The following PALM2AKAP2 variants were observed in gnomAD, a reference collection of about 807,000 sequenced individuals.
The protein encoded by PALM2AKAP2 is PALM2 and AKAP2 fusion, also known as PALM2-AKAP2 fusion protein.
Under a neutral mutation model 71.5 loss-of-function variants are expected in PALM2AKAP2, and 37 were observed. That is an observed-to-expected ratio of 0.52 (90% CI 0.40 to 0.68). PALM2AKAP2 has a LOEUF of 0.68. Among genes scored for constraint, PALM2AKAP2 ranks in the 30% least tolerant of loss-of-function variants. PALM2AKAP2 has a pLI of 0.00. For missense variants in PALM2AKAP2, 1,224 were observed against 1,191.8 expected (o/e 1.03, Z -0.40); for synonymous variants, 468 against 478.8 (o/e 0.98, Z 0.29).
chr9:109,763,529 A>G (rs1829094877), intron 1 of PALM2AKAP2, among the ~76,000 whole-genome samples: 1 of 152,208 alleles, frequency 6.6e-6, no homozygotes, highest in Non-Finnish European at 1.5e-5. Context: ...AAGCATTCAC[A>G]GGGTACTTAA....
chr9:109,955,808 G>A (rs140210323), intron 6 of PALM2AKAP2, among the ~76,000 whole-genome samples: 83 of 152,004 alleles, frequency 5.5e-4, no homozygotes, highest in African/African-American at 2.0e-3. Flanking sequence ...GTAGTGGTGC[G>A]TATCTGTGGT....
At chr9:109,881,083 C>T (rs1829837090) in intron 3 of PALM2AKAP2, among the ~76,000 whole-genome samples, 1 of 152,132 alleles carries the variant, frequency 6.6e-6, no homozygotes. Context: ...TTCCCTTCTA[C>T]GTGTCCGTGT....
chr9:109,683,517 G>A (rs573780540), intron 1 of PALM2AKAP2, among the ~76,000 whole-genome samples: 1 of 152,252 alleles, frequency 6.6e-6, no homozygotes, highest in Non-Finnish European at 1.5e-5. Flanking sequence ...ACCTCCAAAA[G>A]GACCAAACCT....
chr9:109,921,262 C>T (rs1347409185), intron 3 of PALM2AKAP2, among the ~76,000 whole-genome samples: 1 of 151,984 alleles, frequency 6.6e-6, no homozygotes, highest in Non-Finnish European at 1.5e-5. Context: ...GCATTTGTGC[C>T]CTCTGTCTGA....
exon 1 of PALM2AKAP2, chr9:110,048,744 G>A: frequency 1.5e-6 from 2 of 1,369,774 alleles, no homozygotes; most frequent in South Asian, 1.5e-5. Flanking sequence ...TTCCCCCGGA[G>A]TCTCCTGGAC....
chr9:109,655,089 A>G (rs897093378), intron 1 of PALM2AKAP2, among the ~76,000 whole-genome samples: 1 of 152,030 alleles, frequency 6.6e-6, no homozygotes, highest in Non-Finnish European at 1.5e-5. Context: ...GGAGATTGAG[A>G]CCATCCTGGC....
intron 1 of PALM2AKAP2, among the ~76,000 whole-genome samples, chr9:110,071,642 A>G (rs1484999080): frequency 6.6e-6 from 1 of 152,220 alleles, no homozygotes; most frequent in African/African-American, 2.4e-5. Context: ...TCATTTAAGA[A>G]TCTTCCTGTG....
intron 1 of PALM2AKAP2, among the ~76,000 whole-genome samples, chr9:110,094,084 G>A (rs1834777804): frequency 1.3e-5 from 2 of 152,162 alleles, no homozygotes. Context: ...CCAACAAAGA[G>A]GCACCTGGCC....
chr9:109,694,018 T>C (rs899200070), intron 1 of PALM2AKAP2, among the ~76,000 whole-genome samples: 1 of 152,032 alleles, frequency 6.6e-6, no homozygotes. Flanking sequence ...TGGCTTGTTT[T>C]CTGCTCCCCC....
At chr9:109,821,786 C>T (rs372622522) in intron 1 of PALM2AKAP2, among the ~76,000 whole-genome samples, 3 of 152,178 alleles carry the variant, frequency 2.0e-5, no homozygotes, top group African/African-American at 7.2e-5. Context: ...TCATCTCCCC[C>T]CTGGACGTGA....
At chr9:109,868,849 C>T (rs1374377503) in intron 2 of PALM2AKAP2, among the ~76,000 whole-genome samples, 2 of 152,230 alleles carry the variant, frequency 1.3e-5, no homozygotes, top group Non-Finnish European at 2.9e-5. Context: ...TGCTGTTGCT[C>T]TTTCCCCACA....
intron 6 of PALM2AKAP2, chr9:109,944,259 T>TA (rs903954086): frequency 1.3e-5 from 2 of 152,186 alleles, no homozygotes; most frequent in African/African-American, 4.8e-5. Flanking sequence ...TCTATTCTCT[T>TA]AAAAAAATGT....
chr9:109,836,192 A>T (rs1828470998), intron 1 of PALM2AKAP2, among the ~76,000 whole-genome samples: 1 of 152,200 alleles, frequency 6.6e-6, no homozygotes. Flanking sequence ...TTCCAGAGGA[A>T]TGATCAGGCA....
chr9:109,971,258 T>G (rs1832058955), intron 6 of PALM2AKAP2, among the ~76,000 whole-genome samples: 1 of 148,206 alleles, frequency 6.7e-6, no homozygotes, highest in African/African-American at 2.5e-5. Context: ...ACTTCAGGCT[T>G]CCATGTTTAT....
intron 3 of PALM2AKAP2, among the ~76,000 whole-genome samples, chr9:109,911,279 T>C (rs992840111): frequency 6.6e-6 from 1 of 152,222 alleles, no homozygotes; most frequent in Non-Finnish European, 1.5e-5. Flanking sequence ...TTATTTCTGA[T>C]GAAACAGACT....
chr9:109,858,456 G>A (rs1046091727), intron 1 of PALM2AKAP2, among the ~76,000 whole-genome samples: 2 of 152,132 alleles, frequency 1.3e-5, no homozygotes, highest in African/African-American at 4.8e-5. Context: ...GAGCTAAGCT[G>A]GCCCAACCTA....
intron 1 of PALM2AKAP2, among the ~76,000 whole-genome samples, chr9:109,691,828 A>T (rs1266772450): frequency 9.6e-6 from 1 of 104,020 alleles, no homozygotes; most frequent in African/African-American, 3.7e-5. Context: ...CCAATCCAGA[A>T]AGACGATATA....
At chr9:109,969,015 A>G (rs1832011069) in intron 6 of PALM2AKAP2, among the ~76,000 whole-genome samples, 1 of 152,036 alleles carries the variant, frequency 6.6e-6, no homozygotes, top group Admixed American at 6.6e-5. Context: ...AACTGAACAG[A>G]ACAGCTGCAG....
chr9:109,936,771 G>C (rs2132019913), intron 6 of PALM2AKAP2, among the ~76,000 whole-genome samples: 1 of 152,302 alleles, frequency 6.6e-6, no homozygotes, highest in East Asian at 1.9e-4. Flanking sequence ...CCAAAATGGG[G>C]TGTGATCTGG....
Sources: gnomAD v4.1 joint callset for allele counts (sites outside exome capture counted in the v4.1 genomes callset) on GRCh38, gnomAD v4.1.1 for gene constraint, MANE v1.5 for transcripts, NCBI Gene and HGNC (gene_info 2026-07-23, HGNC 2026-07-21) for gene names.